The following CCDC66 variants were observed in gnomAD, a reference collection of about 807,000 sequenced individuals.
The protein encoded by CCDC66 is coiled-coil domain containing 66.
In CCDC66, 133 loss-of-function variants were observed where a neutral mutation model predicts 128.3. That is an observed-to-expected ratio of 1.04 (90% CI 0.90 to 1.20). CCDC66 has a LOEUF of 1.20. Ranked by LOEUF, CCDC66 falls within the 50% of genes most tolerant of loss-of-function variation. The probability of loss-of-function intolerance (pLI) is 0.00; values close to 1 mark genes in which losing one functional copy is unlikely to be tolerated. For missense variants in CCDC66, 1,126 were observed against 1,075.5 expected (o/e 1.05, Z -0.66); for synonymous variants, 387 against 357.0 (o/e 1.08, Z -0.95).
intron 8 of CCDC66, 26 bp from the exon 9 acceptor site, chr3:56,593,465 T>C: frequency 6.2e-7 from 1 of 1,604,050 alleles, no homozygotes; most frequent in Non-Finnish European, 8.5e-7. Flanking sequence ...GAAAAATTCT[T>C]AGCAATTCTT....
chr3:56,619,240 C>A (rs774149434), intron 15 of CCDC66, 31 bp from the exon 16 acceptor site: 1 of 1,478,620 alleles, frequency 6.8e-7, no homozygotes, highest in Non-Finnish European at 9.1e-7. Context: ...AATCTAAATA[C>A]ACAATTTTTT....
chr3:56,580,303 C>A (rs994750951), intron 7 of CCDC66, among the ~76,000 whole-genome samples: 1 of 151,648 alleles, frequency 6.6e-6, no homozygotes, highest in Non-Finnish European at 1.5e-5. Flanking sequence ...CTGTGTGTGT[C>A]TCTGCATGTG....
At chr3:56,612,149 A>G (rs2074922362) in intron 10 of CCDC66, among the ~76,000 whole-genome samples, 1 of 152,192 alleles carries the variant, frequency 6.6e-6, no homozygotes, top group South Asian at 2.1e-4. Context: ...TGATATCTGC[A>G]TATCTGGTAT....
Position 56,621,538 on chromosome 3 carries a change from C to T in CCDC66, c.2767C>T (p.Leu923Phe), listed in dbSNP as rs753699497. 1.3e-6 allele frequency: 2 copies of T among 1,589,556 alleles called. No individual in the cohort carries two copies. The highest frequency in any genetic ancestry group is 2.3e-5 in the South Asian group (2 of 86,766). Residue 923 changes from leucine to phenylalanine, a missense_variant, in exon 18 of 18, where the codon CTC becomes TTC. Transcript: ENST00000394672. ...TATATCAATGTGATTTCAGGGCCTT[C>T]TCCAGAAGCAAAAGGAGTTGGAAAG... ...KGLSELRQGL[L>F]QKQKELESSL...
intron 7 of CCDC66, among the ~76,000 whole-genome samples, chr3:56,587,831 T>A (rs2070086258): frequency 6.6e-6 from 1 of 152,006 alleles, no homozygotes; most frequent in Non-Finnish European, 1.5e-5. Flanking sequence ...ATCGCACCAC[T>A]GCACTCCAGC....
chr3:56,564,983 A>T (rs1419252091), intron 4 of CCDC66, among the ~76,000 whole-genome samples: 1 of 152,254 alleles, frequency 6.6e-6, no homozygotes, highest in Non-Finnish European at 1.5e-5. Flanking sequence ...GAGAAATCAT[A>T]TCAACAAAGT....
At chr3:56,584,964 C>T (rs1306084375) in intron 7 of CCDC66, among the ~76,000 whole-genome samples, 3 of 151,892 alleles carry the variant, frequency 2.0e-5, no homozygotes, top group East Asian at 2.0e-4. Flanking sequence ...TGGCGGCACA[C>T]GCCTGCAGTC....
rs1265715672 is a variant in CCDC66, at chr3:56,571,182, T to C, written c.816T>C (p.Asp272=). ...TTTTAAAAAGGACATTATTTACAGA[T>C]GAACAGGTTGCTTTAAAGAAGAAAG... ...AKKAQWRKEL[D]EQVALKKKEK... is the part of the protein sequence containing the mutation. The change falls in exon 7 of 18, where the codon GAT becomes GAC. Residue 272 remains aspartate, a splice_region_variant and synonymous_variant. Transcript: ENST00000394672. The C allele has an allele frequency of 6.6e-7, 1 of 1,512,442 alleles. No individual in the cohort carries two copies. The highest frequency in any genetic ancestry group is 2.3e-5 in the East Asian group (1 of 43,432). The allele number at this position is 1,512,442 out of a possible 1,614,324, so 93.7% of individuals were successfully genotyped here.
At chr3:56,586,335 T>G (rs904281587) in intron 7 of CCDC66, among the ~76,000 whole-genome samples, 3 of 150,996 alleles carry the variant, frequency 2.0e-5, no homozygotes, top group African/African-American at 7.3e-5. Context: ...GAGACCATCC[T>G]GGCCAACATG....
intron 17 of CCDC66, 131 bp from the exon 18 acceptor site, chr3:56,621,401 A>C (rs1308431394): frequency 4.5e-5 from 25 of 552,760 alleles, no homozygotes; most frequent in Non-Finnish European, 6.8e-5. Context: ...AGCATTTCTG[A>C]AAAAATTTTT....
intron 13 of CCDC66, 111 bp from the exon 14 acceptor site, chr3:56,617,001 T>A (rs1056340938): frequency 2.6e-5 from 23 of 882,212 alleles, no homozygotes; most frequent in Non-Finnish European, 3.7e-5. Context: ...TGAAAATTAA[T>A]GAAAGAAAAA....
chr3:56,593,125 A>C, intron 8 of CCDC66, 24 bp downstream of exon 8: 4 of 1,515,552 alleles, frequency 2.6e-6, no homozygotes, highest in Non-Finnish European at 3.6e-6. Context: ...TTTTGTGGCT[A>C]TAAAAGAAAA....
Position 56,566,679 on chromosome 3 carries a change from T to C in CCDC66, c.630T>C (p.Val210=), listed in dbSNP as rs1312612106. The part of the protein sequence containing the change: ...IMGLFKKTEM[V]SSVPAENKSV... ...GATTATTCAAAAAAACTGAAATGGT[T>C]TCATCTGTCCCAGCTGAAAATAAAT... The change falls in exon 5 of 18, where the codon GTT becomes GTC. Residue 210 remains valine, a synonymous_variant. Transcript: ENST00000394672. The C allele has an allele frequency of 6.2e-7, 1 of 1,613,288 alleles. No homozygotes were observed. Among genetic ancestry groups the C allele is most frequent in the Non-Finnish European group, 8.5e-7 (1 of 1,179,430 alleles).
At chr3:56,584,295 CGGGG>C (rs2069121394) in intron 7 of CCDC66, among the ~76,000 whole-genome samples, 12 of 141,802 alleles carry the variant, frequency 8.5e-5, no homozygotes, top group African/African-American at 2.9e-4. Context: ...ACTTCTCAGA[CGGGG>C]TGGCTGCCGG....
chr3:56,609,442 A>C (rs1412718426), intron 10 of CCDC66, among the ~76,000 whole-genome samples: 1 of 152,156 alleles, frequency 6.6e-6, no homozygotes, highest in African/African-American at 2.4e-5. Flanking sequence ...CATTTGCATG[A>C]AATGTGTTTT....
rs757234007 is a variant in CCDC66 at position 56,566,723 on chromosome 3, A to G, written c.674A>G (p.Gln225Arg). Residue 225 changes from glutamine (Q) to arginine (R), a missense_variant, in exon 5 of 18, where the codon CAG becomes CGG. Transcript: ENST00000394672. Reference sequence around the variant, plus strand: ...AATAAATCTGTCTTAAATGAACATCAGGAGACATCTAAACAGTGTGAGCAA... The same window carrying G: ...AATAAATCTGTCTTAAATGAACATCGGGAGACATCTAAACAGTGTGAGCAA... The part of the protein sequence containing the change: ...AENKSVLNEH[Q>R]ETSKQCEQKI... 1 of 1,613,780 alleles carries G rather than the reference A, an allele frequency of 6.2e-7. No individual in the cohort carries two copies.
rs190942198 is a variant in CCDC66 at position 56,560,811 on chromosome 3, G to A, written c.102+1217G>A. ...TTAATTTTTAGATTAATATCAGTAG[G>A]AATTTCTCTTCTCTTCCATAACTTA... On this transcript the variant is annotated intron_variant, in intron 3 of 17. Coordinates refer to ENST00000394672, the MANE Select transcript of CCDC66 (RefSeq NM_001141947.3). The A allele has an allele frequency of 2.4e-3, 1,068 of 437,948 alleles. 5 individuals are homozygous for A. The highest frequency in any genetic ancestry group is 3.1e-3 in the Non-Finnish European group (680 of 221,862). 27.1% of individuals were successfully genotyped at this position (437,948 alleles called of 1,614,324 possible). A position where few individuals can be genotyped will look rare whatever the true frequency, so the allele number is the denominator to read the frequency against.
At chr3:56,616,182 T>A in intron 13 of CCDC66, 129 bp downstream of exon 13, 1 of 758,944 alleles carries the variant, frequency 1.3e-6, no homozygotes. Context: ...AGTTACAAAA[T>A]AAAGGGATAA....
At chr3:56,597,298 A>G (rs916009375) in intron 10 of CCDC66, among the ~76,000 whole-genome samples, 1 of 151,896 alleles carries the variant, frequency 6.6e-6, no homozygotes, top group Non-Finnish European at 1.5e-5. Context: ...TGTGGTTCCT[A>G]TAGTCTTGTA....
Sources: allele counts gnomAD v4.1 joint callset (sites outside exome capture counted in the v4.1 genomes callset), GRCh38; gene constraint gnomAD v4.1.1; transcripts MANE v1.5; gene names NCBI Gene and HGNC (gene_info 2026-07-23, HGNC 2026-07-21).